The following TCF12 variants were observed in gnomAD, a reference collection of about 807,000 sequenced individuals.
TCF12 encodes the protein transcription factor 12.
In TCF12, 45 loss-of-function variants were observed where a neutral mutation model predicts 86.0. That is an observed-to-expected ratio of 0.52 (90% CI 0.41 to 0.67). TCF12 has a LOEUF of 0.67. TCF12 is among the 30% of genes least tolerant of loss of function. The probability of loss-of-function intolerance (pLI) is 0.00; values close to 1 mark genes in which losing one functional copy is unlikely to be tolerated. For synonymous variants in TCF12, 330 were observed against 299.6 expected (o/e 1.10, Z -1.05); for missense variants, 881 against 859.9 (o/e 1.02, Z -0.31).
At chr15:56,959,608 C>CT (rs1308507067) in intron 3 of TCF12, among the ~76,000 whole-genome samples, 2 of 152,070 alleles carry the variant, frequency 1.3e-5, no homozygotes, top group Non-Finnish European at 1.5e-5. Context: ...CATATTAAAC[C>CT]TTTTTTTCTC....
At chr15:56,941,705 GA>G (rs1172226877) in intron 3 of TCF12, among the ~76,000 whole-genome samples, 1 of 150,208 alleles carries the variant, frequency 6.7e-6, no homozygotes, top group Non-Finnish European at 1.5e-5. Flanking sequence ...TTTTTATTAG[GA>G]ATTGAGTTGA....
chr15:57,224,430 C>T (rs972593251), intron 8 of TCF12, among the ~76,000 whole-genome samples: 14 of 152,044 alleles, frequency 9.2e-5, no homozygotes, highest in Non-Finnish European at 1.9e-4. Context: ...CTAAAATGTG[C>T]TTGATTTTCC....
chr15:57,006,417 C>G (rs1390666275), intron 3 of TCF12, among the ~76,000 whole-genome samples: 3 of 151,802 alleles, frequency 2.0e-5, no homozygotes, highest in Non-Finnish European at 4.4e-5. Flanking sequence ...TGATTCTCCT[C>G]CCTCAGCCTC....
chr15:57,232,915 T>A, intron 11 of TCF12, 59 bp downstream of exon 11: 1 of 1,201,552 alleles, frequency 8.3e-7, no homozygotes, highest in Non-Finnish European at 1.1e-6. Flanking sequence ...GTGACCCCGA[T>A]ATCTTTATAT....
intron 5 of TCF12, among the ~76,000 whole-genome samples, chr15:57,159,939 C>T (rs1362810747): frequency 6.6e-6 from 1 of 152,196 alleles, no homozygotes; most frequent in Admixed American, 6.5e-5. Context: ...TAGGTATTTA[C>T]TGGACTGCTG....
rs373003635 is a variant in TCF12 at position 57,244,395 on chromosome 15, CTGCCGAGGAAAAA to C, written c.1114+846_1114+858del. ...AATTCTTGGGAATGATGTGGTTTTT[CTGCCGAGGAAAAA>C]AACTCTCTGTGAAGGTGGATGAATA... On this transcript the variant is annotated intron_variant, in intron 13 of 20. Coordinates refer to ENST00000333725, the MANE Select transcript of TCF12 (RefSeq NM_207037.2). Among the ~76,000 whole-genome samples the C allele has an allele frequency of 2.2e-3, 332 of 152,204 alleles. 1 individual carries two copies. The highest frequency in any genetic ancestry group is 7.7e-3 in the African/African-American group (321 of 41,528).
chr15:57,030,868 C>T (rs1158000889), intron 3 of TCF12, among the ~76,000 whole-genome samples: 1 of 152,120 alleles, frequency 6.6e-6, no homozygotes, highest in Non-Finnish European at 1.5e-5. Flanking sequence ...AAGTGAGTTA[C>T]TGTAGTGGGA....
chr15:56,945,518 A>G (rs566647844), intron 3 of TCF12, among the ~76,000 whole-genome samples: 1 of 152,242 alleles, frequency 6.6e-6, no homozygotes, highest in South Asian at 2.1e-4. Context: ...TTTGCTAGAT[A>G]TAGAATTCTA....
At position 57,282,306 on chromosome 15, in the gene TCF12, A is replaced by T. The variant is rs1170993696; in HGVS notation, c.1979-139A>T. On this transcript the variant is annotated intron_variant, in intron 19 of 20. Coordinates refer to ENST00000333725, the MANE Select transcript of TCF12 (RefSeq NM_207037.2). ...AGGCTCAGTTCAATGCTGAGGTTTT[A>T]TGTGAGCACATTGTTTCTTCTATGT... 5 of 967,134 alleles carry T rather than the reference A, an allele frequency of 5.2e-6. No individual in the cohort carries two copies. In the African/African-American group the frequency reaches 8.2e-5, roughly 16 times the overall value. 59.9% of individuals were successfully genotyped at this position (967,134 alleles called of 1,614,324 possible).
chr15:56,953,001 T>C (rs1468957822), intron 3 of TCF12, among the ~76,000 whole-genome samples: 2 of 152,058 alleles, frequency 1.3e-5, no homozygotes, highest in Non-Finnish European at 2.9e-5. Context: ...TATAGTACCT[T>C]GTATTAAATT....
intron 3 of TCF12, among the ~76,000 whole-genome samples, chr15:56,971,901 C>T (rs547704353): frequency 3.9e-5 from 6 of 151,924 alleles, no homozygotes; most frequent in East Asian, 1.9e-4. Context: ...AGTTGGGTAG[C>T]GGGAGTAGAT....
chr15:56,925,717 A>G (rs1166527918), intron 3 of TCF12, among the ~76,000 whole-genome samples: 3 of 152,252 alleles, frequency 2.0e-5, no homozygotes, highest in Admixed American at 1.3e-4. Flanking sequence ...CTATTTGTGG[A>G]CAATGTGTGG....
In TCF12 at chr15:57,098,193, AAAAC is replaced by A. The variant is rs1204193665; in HGVS notation, c.325+6314_325+6317del. On this transcript the variant is annotated intron_variant, in intron 5 of 20. Coordinates refer to ENST00000333725, the MANE Select transcript of TCF12 (RefSeq NM_207037.2). ...GAGCAAGACTCCATCTCAAAAAAAC[AAAAC>A]AAACAAACAAAAAAACAGAAAAAGA... Among the ~76,000 whole-genome samples the A allele has an allele frequency of 1.2e-3, 190 of 152,216 alleles. 1 individual carries two copies. Among genetic ancestry groups the A allele is most frequent in the African/African-American group, 4.2e-3 (175 of 41,542 alleles).
intron 5 of TCF12, among the ~76,000 whole-genome samples, chr15:57,158,586 T>C (rs2054285164): frequency 6.6e-6 from 1 of 152,152 alleles, no homozygotes; most frequent in African/African-American, 2.4e-5. Flanking sequence ...CCAGAATTAT[T>C]GATTGGGAAG....
chr15:57,075,835 T>TCTCTCTCTTC (rs778545170), intron 4 of TCF12, among the ~76,000 whole-genome samples: 1 of 49,994 alleles, frequency 2.0e-5, no homozygotes, highest in African/African-American at 9.7e-5. Context: ...TCTCTCTCTC[T>TCTCTCTCTTC]TTTCTTTCTT....
intron 3 of TCF12, among the ~76,000 whole-genome samples, chr15:56,957,222 G>C (rs1341750911): frequency 6.6e-6 from 1 of 152,118 alleles, no homozygotes; most frequent in African/African-American, 2.4e-5. Flanking sequence ...CCAGTCTTTG[G>C]TATTGCATTA....
At chr15:57,004,772 T>C (rs547099881) in intron 3 of TCF12, among the ~76,000 whole-genome samples, 1 of 152,116 alleles carries the variant, frequency 6.6e-6, no homozygotes, top group East Asian at 1.9e-4. Context: ...ATCCGTCTGG[T>C]CTCGAACTCC....
Position 57,234,167 on chromosome 15 carries a change from A to C in TCF12, c.1035+60A>C. The C allele has an allele frequency of 5.4e-6, 7 of 1,289,290 alleles. No individual in the cohort carries two copies. The South Asian group carries it at 7.1e-5, about 13-fold the overall frequency. The allele number at this position is 1,289,290 out of a possible 1,614,324, so 79.9% of individuals were successfully genotyped here. On this transcript the variant is annotated intron_variant, in intron 12 of 20. Transcript: ENST00000333725. ...TTTTACACTACTGAATACAGTGATTAGATTTTGTAGGTGATAAGTATCTAA... is the reference window on the plus strand; with the variant it reads ...TTTTACACTACTGAATACAGTGATTCGATTTTGTAGGTGATAAGTATCTAA...
chr15:57,099,393 T>C (rs942689853), intron 5 of TCF12, among the ~76,000 whole-genome samples: 5 of 152,152 alleles, frequency 3.3e-5, no homozygotes, highest in African/African-American at 1.2e-4. Flanking sequence ...TAGAATGAAT[T>C]ACTTGAAAGA....
Sources: gnomAD v4.1 joint callset for allele counts (sites outside exome capture counted in the v4.1 genomes callset) on GRCh38, gnomAD v4.1.1 for gene constraint, MANE v1.5 for transcripts, NCBI Gene and HGNC (gene_info 2026-07-23, HGNC 2026-07-21) for gene names.